The following SSBP3 variants were observed in gnomAD, a reference collection of about 807,000 sequenced individuals.
SSBP3 encodes the protein single-stranded DNA-binding protein 3.
Under a neutral mutation model 69.6 loss-of-function variants are expected in SSBP3, and 5 were observed. That is an observed-to-expected ratio of 0.07 (90% CI 0.04 to 0.15). The LOEUF (loss-of-function observed/expected upper bound fraction) is 0.15. Among genes scored for constraint, SSBP3 ranks in the 10% least tolerant of loss-of-function variants. The pLI is 1.00. For synonymous variants in SSBP3, 196 were observed against 193.4 expected (o/e 1.01, Z -0.11); for missense variants, 312 against 534.0 (o/e 0.58, Z 4.10).
chr1:54,400,866 G>A (rs1649242141), intron 4 of SSBP3, among the ~76,000 whole-genome samples: 1 of 152,298 alleles, frequency 6.6e-6, no homozygotes, highest in African/African-American at 2.4e-5. Context: ...AGATGGCTGG[G>A]CCAAGCAGGT....
chr1:54,289,372 G>A (rs1645563810), intron 4 of SSBP3, among the ~76,000 whole-genome samples: 1 of 150,938 alleles, frequency 6.6e-6, no homozygotes. Context: ...ACCCTGAGAG[G>A]AGGAGAAACA....
intron 4 of SSBP3, among the ~76,000 whole-genome samples, chr1:54,352,462 C>A (rs1312687934): frequency 6.6e-6 from 1 of 152,200 alleles, no homozygotes. Flanking sequence ...CAGAAACGGT[C>A]CCCACTGGGT....
chr1:54,228,379 G>A lies in SSBP3; in HGVS notation c.1036-23C>T, dbSNP rs202089877. 42 of 1,612,300 alleles carry A rather than the reference G, an allele frequency of 2.6e-5. No homozygotes were observed. The African/African-American group carries it at 5.3e-4, about 20-fold the overall frequency. On this transcript the variant is annotated intron_variant, in intron 16 of 17. Coordinates refer to ENST00000610401, the Ensembl canonical transcript of SSBP3. ...ATTCTGTGGAAAGAGGAGAGGAGGTGAGCACCTGTGTCCCCAACAACCTGC... is the reference window on the plus strand; with the variant it reads ...ATTCTGTGGAAAGAGGAGAGGAGGTAAGCACCTGTGTCCCCAACAACCTGC...
At chr1:54,401,514 T>G (rs189394305) in intron 4 of SSBP3, among the ~76,000 whole-genome samples, 1 of 152,326 alleles carries the variant, frequency 6.6e-6, no homozygotes, top group African/African-American at 2.4e-5. Flanking sequence ...TTGTTACAAT[T>G]TCTTCTTAAA....
exon 3 of SSBP3, chr1:54,404,618 A>G: frequency 6.2e-7 from 1 of 1,613,852 alleles, no homozygotes; most frequent in Non-Finnish European, 8.5e-7. Flanking sequence ...TCCCAACGTG[A>G]TGTTTTTTTC....
intron 4 of SSBP3, among the ~76,000 whole-genome samples, chr1:54,301,537 A>G (rs914417385): frequency 6.6e-6 from 1 of 152,148 alleles, no homozygotes; most frequent in Non-Finnish European, 1.5e-5. Context: ...TCTTGTTTGG[A>G]TAATGGCCAC....
intron 4 of SSBP3, among the ~76,000 whole-genome samples, chr1:54,381,754 A>T (rs575284716): frequency 6.6e-6 from 1 of 152,252 alleles, no homozygotes. Context: ...AAAATGACAG[A>T]GCTGGCCAGC....
chr1:54,398,585 G>T (rs917252419), intron 4 of SSBP3, among the ~76,000 whole-genome samples: 26 of 152,132 alleles, frequency 1.7e-4, no homozygotes, highest in African/African-American at 5.8e-4. Context: ...AAAAGGTCAG[G>T]ACCCAGACAA....
At chr1:54,318,342 C>T (rs756416345) in intron 4 of SSBP3, among the ~76,000 whole-genome samples, 3 of 152,192 alleles carry the variant, frequency 2.0e-5, no homozygotes, top group Non-Finnish European at 4.4e-5. Context: ...TATACCATTC[C>T]GTTCCCTAAC....
rs575713224 is a variant in SSBP3 at position 54,254,894 on chromosome 1, G to A, written c.507+2233C>T. On this transcript the variant is annotated intron_variant, in intron 7 of 17. Transcript: ENST00000610401. ...GTCACCCAAGCTGGAGTGCAATGGC[G>A]CAATCTCGGCTCACTGCAGCCTCCG... Among the ~76,000 whole-genome samples, 69 of 152,126 alleles carry A rather than the reference G, an allele frequency of 4.5e-4. 1 individual carries two copies. The Middle Eastern group carries it at 0.014, about 30-fold the overall frequency.
intron 4 of SSBP3, among the ~76,000 whole-genome samples, chr1:54,341,416 G>A (rs1261883345): frequency 6.6e-6 from 1 of 152,094 alleles, no homozygotes; most frequent in Admixed American, 6.6e-5. Context: ...AAAAATTACA[G>A]TGATTTCTGA....
chr1:54,268,896 G>C (rs1368814713), intron 5 of SSBP3, among the ~76,000 whole-genome samples: 2 of 152,182 alleles, frequency 1.3e-5, no homozygotes, highest in East Asian at 3.8e-4. Flanking sequence ...AAAAGCCCCA[G>C]ATTCATGGGG....
chr1:54,332,500 G>C (rs1646435435), intron 4 of SSBP3, among the ~76,000 whole-genome samples: 1 of 152,168 alleles, frequency 6.6e-6, no homozygotes, highest in Non-Finnish European at 1.5e-5. Context: ...TAAATGAAAG[G>C]GCTGGGCAGA....
At chr1:54,412,270 A>C (rs1341763165) in intron 1 of SSBP3, among the ~76,000 whole-genome samples, 1 of 152,160 alleles carries the variant, frequency 6.6e-6, no homozygotes, top group Non-Finnish European at 1.5e-5. Context: ...TGGAGATTGC[A>C]GTGAGCCGAG....
At chr1:54,302,753 A>G (rs1645825706) in intron 4 of SSBP3, among the ~76,000 whole-genome samples, 1 of 152,198 alleles carries the variant, frequency 6.6e-6, no homozygotes, top group African/African-American at 2.4e-5. Context: ...TCTCCACCAC[A>G]TTAGAGGATG....
intron 4 of SSBP3, among the ~76,000 whole-genome samples, chr1:54,313,832 T>C (rs2100304292): frequency 6.6e-6 from 1 of 152,050 alleles, no homozygotes; most frequent in Non-Finnish European, 1.5e-5. Context: ...AGTGGTGGGA[T>C]CTCAGCTCAC....
At chr1:54,349,046 T>C (rs1338265837) in intron 4 of SSBP3, among the ~76,000 whole-genome samples, 3 of 152,224 alleles carry the variant, frequency 2.0e-5, no homozygotes, top group Admixed American at 6.5e-5. Context: ...TTATGTGTTC[T>C]CAGCAGCCTC....
intron 4 of SSBP3, among the ~76,000 whole-genome samples, chr1:54,391,509 T>A (rs759996358): frequency 1.2e-4 from 19 of 152,174 alleles, no homozygotes; most frequent in Admixed American, 3.3e-4. Context: ...GCTGCAGCAG[T>A]ATCCCAGAAT....
intron 4 of SSBP3, among the ~76,000 whole-genome samples, chr1:54,392,033 C>T (rs371910598): frequency 5.9e-5 from 9 of 152,282 alleles, no homozygotes; most frequent in African/African-American, 1.2e-4. Flanking sequence ...TCTCCTCCCG[C>T]GCCCACTCCA....
Sources: gnomAD v4.1 joint callset for allele counts (sites outside exome capture counted in the v4.1 genomes callset) on GRCh38, gnomAD v4.1.1 for gene constraint, MANE v1.5 for transcripts, NCBI Gene and HGNC (gene_info 2026-07-23, HGNC 2026-07-21) for gene names.